The following IL31RA variants were observed in gnomAD, a reference collection of about 807,000 sequenced individuals.
IL31RA encodes the protein interleukin 31 receptor A, also known as interleukin-31 receptor subunit alpha.
A neutral mutation model predicts 83.7 loss-of-function variants in IL31RA; 66 were observed. That is an observed-to-expected ratio of 0.79 (90% CI 0.65 to 0.97). The LOEUF (loss-of-function observed/expected upper bound fraction) is 0.97, where lower values mean the gene tolerates loss of function less well. Ranked by LOEUF, IL31RA falls within the 50% of genes least tolerant of loss-of-function variation. The pLI, the probability that IL31RA is intolerant of heterozygous loss-of-function variation, is 0.00. For synonymous variants in IL31RA, 325 were observed against 329.0 expected (o/e 0.99, Z 0.13); for missense variants, 798 against 919.4 (o/e 0.87, Z 1.71).
intron 12 of IL31RA, among the ~76,000 whole-genome samples, chr5:55,913,111 G>A (rs1244794993): frequency 6.6e-6 from 1 of 151,702 alleles, no homozygotes; most frequent in Non-Finnish European, 1.5e-5. Flanking sequence ...TTGTTTTTGA[G>A]ATGAAGTTTA....
At chr5:55,916,394 T>A (rs535748543) in intron 14 of IL31RA, among the ~76,000 whole-genome samples, 86 of 138,724 alleles carry the variant, frequency 6.2e-4, no homozygotes, top group African/African-American at 2.0e-3. Context: ...AAAAAAAAAA[T>A]TATATACATA....
In IL31RA at chr5:55,905,188, G is replaced by A. The variant is rs1266910729; in HGVS notation, c.1070-918G>A. Among the ~76,000 whole-genome samples, 4 of 146,488 alleles carry A rather than the reference G, an allele frequency of 2.7e-5. No individual in the cohort carries two copies. The East Asian group carries it at 5.9e-4, about 22-fold the overall frequency. The stretch of plus-strand genomic sequence containing the variant: ...TGCACTCCAGCCTGGGTGACAGGGC[G>A]AGACTCTGCCTCAAAAAAAAAAAAA... On this transcript the variant is annotated intron_variant, in intron 8 of 14. Coordinates refer to ENST00000652347, the MANE Select transcript of IL31RA (RefSeq NM_139017.7).
intron 8 of IL31RA, among the ~76,000 whole-genome samples, chr5:55,900,955 G>C (rs1183484534): frequency 6.6e-6 from 1 of 152,094 alleles, no homozygotes; most frequent in African/African-American, 2.4e-5. Flanking sequence ...CAGGTGTGCA[G>C]TAACTATTTG....
At chr5:55,875,854 C>T (rs1195126413) in intron 4 of IL31RA, among the ~76,000 whole-genome samples, 1 of 151,940 alleles carries the variant, frequency 6.6e-6, no homozygotes, top group Non-Finnish European at 1.5e-5. Flanking sequence ...TAAATTGATA[C>T]AATACTGGAA....
chr5:55,899,832 C>T, intron 7 of IL31RA, 84 bp from the exon 8 acceptor site: 9 of 909,954 alleles, frequency 9.9e-6, no homozygotes, highest in Non-Finnish European at 1.6e-5. Flanking sequence ...TTATTCCCCA[C>T]CCTCACCCCC....
intron 5 of IL31RA, among the ~76,000 whole-genome samples, chr5:55,888,750 G>A (rs368371025): frequency 3.3e-5 from 5 of 152,202 alleles, no homozygotes; most frequent in African/African-American, 7.2e-5. Context: ...CAGCATCTCC[G>A]GGGCCTGTTT....
chr5:55,910,770 A>G, intron 12 of IL31RA, 98 bp downstream of exon 12: 2 of 1,346,850 alleles, frequency 1.5e-6, no homozygotes, highest in Non-Finnish European at 2.1e-6. Context: ...GCCAAATGAA[A>G]GGGCAGTGCC....
At chr5:55,867,802 AGC>A (rs1199076467) in intron 2 of IL31RA, among the ~76,000 whole-genome samples, 1 of 152,138 alleles carries the variant, frequency 6.6e-6, no homozygotes, top group Non-Finnish European at 1.5e-5. Flanking sequence ...AAGAAGTAAA[AGC>A]GCAAACCCCT....
Position 55,903,316 on chromosome 5 carries a change from T to G in IL31RA, c.1070-2790T>G, listed in dbSNP as rs2112541139. Among the ~76,000 whole-genome samples, 1 of 152,328 alleles carries G rather than the reference T, an allele frequency of 6.6e-6. No homozygotes were observed. Among genetic ancestry groups the G allele is most frequent in the African/African-American group, 2.4e-5 (1 of 41,590 alleles). On this transcript the variant is annotated intron_variant, in intron 8 of 14. Transcript: ENST00000652347. This position sits in a 1 kb window ranked among gnomAD's most constrained non-coding sequence, Gnocchi z 4.7. ...AGCACGTGAGCCCCGGGTGACTGTCTTCATGCAGATCACAAGAAATCAATG... is the reference window on the plus strand; with the variant it reads ...AGCACGTGAGCCCCGGGTGACTGTCGTCATGCAGATCACAAGAAATCAATG...
In IL31RA at chr5:55,868,850, T is replaced by G. The variant is rs1249911346; in HGVS notation, c.214T>G (p.Cys72Gly). 1.2e-6 allele frequency: 2 copies of G among 1,611,314 alleles called. No individual in the cohort carries two copies. The highest frequency in any genetic ancestry group is 1.7e-6 in the Non-Finnish European group (2 of 1,177,540). ...CVYYYRKNLT[C>G]TWSPGKETSY... ...CTACTACTATAGGAAAAATTTAACC[T>G]GCACTTGGAGTCCAGGAAAGGAAAC... Residue 72 changes from cysteine (C) to glycine (G), a missense_variant, in exon 3 of 15, where the codon TGC (cysteine) becomes GGC (glycine). By Grantham distance (159) the Cys-to-Gly change is radical (BLOSUM62 -3). Transcript: ENST00000652347.
chr5:55,890,080 G>A lies in IL31RA; in HGVS notation c.717G>A (p.Glu239=). ...YVIALRCAVK[E]SKFWSDWSQE... ...TAGCTCTGCGATGTGCGGTCAAGGA[G>A]TCAAAGTTCTGGAGTGACTGGAGCC... The change falls in exon 6 of 15, where the codon GAG becomes GAA. Residue 239 remains glutamate (E), a synonymous_variant. Transcript: ENST00000652347. 2 of 1,613,974 alleles carry A rather than the reference G, an allele frequency of 1.2e-6. No individual in the cohort carries two copies. Among genetic ancestry groups the A allele is most frequent in the Non-Finnish European group, 1.7e-6 (2 of 1,179,870 alleles).
At chr5:55,868,385 T>C (rs1746315897) in intron 2 of IL31RA, among the ~76,000 whole-genome samples, 1 of 152,242 alleles carries the variant, frequency 6.6e-6, no homozygotes, top group South Asian at 2.1e-4. Flanking sequence ...TTGATACATA[T>C]GGTTGAAGTG....
upstream of IL31RA, among the ~76,000 whole-genome samples, chr5:55,847,239 AAATAAAAAT>A (rs1304282209): frequency 3.7e-3 from 64 of 17,384 alleles, 1 homozygote; most frequent in Middle Eastern, 0.091. Context: ...AAAAAAAAAA[AAATAAAAAT>A]AAATAAATAA....
At chr5:55,868,594 G>C (rs1255993083) in intron 2 of IL31RA, among the ~76,000 whole-genome samples, 197 bp from the exon 3 acceptor site, 1 of 152,158 alleles carries the variant, frequency 6.6e-6, no homozygotes, top group Non-Finnish European at 1.5e-5. Flanking sequence ...TAGAAATCTA[G>C]CTCTTGAAAG....
intron 8 of IL31RA, 71 bp from the exon 9 acceptor site, chr5:55,906,035 A>T (rs565558162): frequency 6.8e-7 from 1 of 1,465,216 alleles, no homozygotes; most frequent in African/African-American, 1.4e-5. Flanking sequence ...GGCAATGAGG[A>T]TGCCAGTGTG....
In IL31RA at chr5:55,883,171, C is replaced by G. The variant is rs370085931; in HGVS notation, c.582C>G (p.Phe194Leu). Reference protein sequence around the residue: ...VSSDLKYTLRFRTVNSTSWME... With the variant: ...VSSDLKYTLRLRTVNSTSWME... ...CTGATTTAAAATACACACTTCGATT[C>G]AGGACAGTCAACAGTACCAGCTGGG... Residue 194 changes from phenylalanine (F) to leucine (L), a missense_variant, in exon 5 of 15, where the codon TTC becomes TTG. Transcript: ENST00000652347. 1.2e-6 allele frequency: 2 copies of G among 1,613,712 alleles called. No homozygotes were observed. Among genetic ancestry groups the G allele is most frequent in the African/African-American group, 2.7e-5 (2 of 74,884 alleles).
chr5:55,920,635 G>A lies in IL31RA; in HGVS notation c.*3515G>A, dbSNP rs1054127950. Among the ~76,000 whole-genome samples the A allele has an allele frequency of 6.6e-6, 1 of 152,152 alleles. No homozygotes were observed. The highest frequency in any genetic ancestry group is 1.5e-5 in the Non-Finnish European group (1 of 68,022). On this transcript the variant is annotated 3_prime_UTR_variant, in exon 15 of 15. Coordinates refer to ENST00000652347, the MANE Select transcript of IL31RA (RefSeq NM_139017.7). ...CCCTTTGCAGAAAAAATTTGTGGAC[G>A]CCTACCATAACCCACAGACATGAAA...
intron 5 of IL31RA, among the ~76,000 whole-genome samples, chr5:55,887,743 G>T (rs1055686280): frequency 2.0e-5 from 3 of 152,080 alleles, no homozygotes; most frequent in African/African-American, 4.8e-5. Flanking sequence ...AAATTAGCCG[G>T]GCGTGTTGGC....
At chr5:55,851,930 G>C (rs537272624) in intron 1 of IL31RA, among the ~76,000 whole-genome samples, 1 of 152,092 alleles carries the variant, frequency 6.6e-6, no homozygotes, top group Non-Finnish European at 1.5e-5. Context: ...TTGTCTTGTG[G>C]TTCTATATCT....
Sources: gnomAD v4.1 joint callset for allele counts (sites outside exome capture counted in the v4.1 genomes callset) on GRCh38, gnomAD v4.1.1 for gene constraint, Gnocchi (gnomAD v3.1) non-coding constraint, MANE v1.5 for transcripts, NCBI Gene and HGNC (gene_info 2026-07-23, HGNC 2026-07-21) for gene names.